Variants in ABCB1 observed in about 807,000 individuals in gnomAD.
ABCB1 encodes ATP-dependent translocase ABCB1.
In ABCB1, 69 loss-of-function variants were observed where a neutral mutation model predicts 142.0. The observed-to-expected ratio is 0.49, with a 90% CI of 0.40 to 0.59. ABCB1 has a LOEUF of 0.59. ABCB1 is among the 20% of genes least tolerant of loss of function. The pLI, the probability that ABCB1 is intolerant of heterozygous loss-of-function variation, is 0.00. For synonymous variants in ABCB1, 532 were observed against 539.2 expected (o/e 0.99, Z 0.18); for missense variants, 1,326 against 1,554.7 (o/e 0.85, Z 2.47).
At chr7:87,549,701 C>G in intron 13 of ABCB1, 150 bp downstream of exon 13, 1 of 1,299,816 alleles carries the variant, frequency 7.7e-7, no homozygotes, top group South Asian at 1.2e-5. Context: ...CCAGTTGATA[C>G]TGCTAGAGCT....
rs563641528 is a variant in ABCB1, at chr7:87,630,372, C to T, written c.-330-29294G>A. 5.3e-5 allele frequency among the ~76,000 whole-genome samples: 8 copies of T among 152,300 alleles called. No homozygotes were observed. In the South Asian group the frequency reaches 1.4e-3, roughly 28 times the overall value. The stretch of plus-strand genomic sequence containing the variant: ...TATTTGTATAATGTAATTATTACAG[C>T]ACTTTGAGTTGTAAATGGTAAAGTA... On this transcript the variant is annotated intron_variant, in intron 1 of 28. Transcript: ENST00000265724.
chr7:87,664,798 A>G (rs1346078783), intron 1 of ABCB1, among the ~76,000 whole-genome samples: 1 of 152,178 alleles, frequency 6.6e-6, no homozygotes, highest in Non-Finnish European at 1.5e-5. Flanking sequence ...AGAGATTAAT[A>G]TAGAAAATAC....
At chr7:87,690,730 A>G (rs1827936573) in intron 1 of ABCB1, among the ~76,000 whole-genome samples, 1 of 152,176 alleles carries the variant, frequency 6.6e-6, no homozygotes. Flanking sequence ...GTAATAGAAT[A>G]TGTTCTATAT....
At chr7:87,682,635 G>A (rs1027892074) in intron 1 of ABCB1, among the ~76,000 whole-genome samples, 1 of 152,174 alleles carries the variant, frequency 6.6e-6, no homozygotes, top group Non-Finnish European at 1.5e-5. Flanking sequence ...TTTCTGAGTA[G>A]TGGATCAAAA....
At chr7:87,617,999 C>T (rs961507256) in intron 1 of ABCB1, among the ~76,000 whole-genome samples, 3 of 152,122 alleles carry the variant, frequency 2.0e-5, no homozygotes, top group Admixed American at 6.6e-5. Context: ...CATACTCTTC[C>T]TCTGCCTGGA....
chr7:87,704,127 G>T (rs1056679968), intron 1 of ABCB1, among the ~76,000 whole-genome samples: 3 of 151,566 alleles, frequency 2.0e-5, no homozygotes, highest in Non-Finnish European at 4.4e-5. Context: ...CACCATATTG[G>T]CCAGGCTGGT....
chr7:87,631,038 T>A (rs544468558), intron 1 of ABCB1, among the ~76,000 whole-genome samples: 7 of 152,350 alleles, frequency 4.6e-5, no homozygotes, highest in African/African-American at 1.7e-4. Flanking sequence ...TTAGTTACAG[T>A]TTACACATAG....
intron 14 of ABCB1, among the ~76,000 whole-genome samples, chr7:87,547,177 A>G (rs1322028871): frequency 2.0e-5 from 3 of 152,304 alleles, no homozygotes; most frequent in Non-Finnish European, 4.4e-5. Flanking sequence ...CAAAACCAAC[A>G]CACAACATTT....
intron 1 of ABCB1, among the ~76,000 whole-genome samples, chr7:87,697,701 ACT>A (rs1463367607): frequency 1.3e-5 from 2 of 152,072 alleles, no homozygotes; most frequent in Admixed American, 1.3e-4. Context: ...TATGCACTAG[ACT>A]CTTTGCTACT....
At chr7:87,585,236 T>C (rs1461439241) in intron 4 of ABCB1, among the ~76,000 whole-genome samples, 1 of 152,168 alleles carries the variant, frequency 6.6e-6, no homozygotes, top group Non-Finnish European at 1.5e-5. Flanking sequence ...CTAATTAAGT[T>C]CCTATATTTC....
At chr7:87,567,963 C>T (rs144723788) in intron 5 of ABCB1, among the ~76,000 whole-genome samples, 23 of 151,766 alleles carry the variant, frequency 1.5e-4, no homozygotes, top group African/African-American at 4.8e-4. Flanking sequence ...AGCGTGGTGG[C>T]GTGCGACTGT....
intron 1 of ABCB1, among the ~76,000 whole-genome samples, chr7:87,708,491 T>C (rs1022957358): frequency 6.6e-6 from 1 of 152,192 alleles, no homozygotes; most frequent in African/African-American, 2.4e-5. Context: ...TAAAGAAATG[T>C]AATCTATAGT....
chr7:87,701,704 A>T (rs1300713260), intron 1 of ABCB1, among the ~76,000 whole-genome samples: 1 of 152,202 alleles, frequency 6.6e-6, no homozygotes, highest in African/African-American at 2.4e-5. Context: ...AGACTATTAA[A>T]AGATTCCCTT....
chr7:87,677,799 A>G (rs1291036264), intron 1 of ABCB1, among the ~76,000 whole-genome samples: 1 of 152,216 alleles, frequency 6.6e-6, no homozygotes, highest in Non-Finnish European at 1.5e-5. Flanking sequence ...AACCTGCCAG[A>G]GAAATATAAT....
At chr7:87,561,242 A>G in intron 8 of ABCB1, 21 bp downstream of exon 8, 1 of 1,613,328 alleles carries the variant, frequency 6.2e-7, no homozygotes, top group Non-Finnish European at 8.5e-7. Context: ...ATATCTATCC[A>G]TTTAAAAAAG....
At chr7:87,709,831 T>C (rs1436701837) in intron 1 of ABCB1, among the ~76,000 whole-genome samples, 1 of 152,176 alleles carries the variant, frequency 6.6e-6, no homozygotes, top group Non-Finnish European at 1.5e-5. Context: ...AAATAATTGA[T>C]TTATGAAGTT....
At chr7:87,597,963 C>CT (rs1819274697) in intron 2 of ABCB1, among the ~76,000 whole-genome samples, 1 of 152,022 alleles carries the variant, frequency 6.6e-6, no homozygotes, top group African/African-American at 2.4e-5. Flanking sequence ...AGAAGTCCTC[C>CT]TTTTATTTTT....
At chr7:87,548,120 G>A (rs1219933138) in intron 14 of ABCB1, among the ~76,000 whole-genome samples, 6 of 113,212 alleles carry the variant, frequency 5.3e-5, no homozygotes, top group African/African-American at 6.8e-5. Context: ...GGGATGGGAG[G>A]GGAGGGAAGG....
At chr7:87,619,669 G>A (rs1048771955) in intron 1 of ABCB1, among the ~76,000 whole-genome samples, 3 of 151,788 alleles carry the variant, frequency 2.0e-5, no homozygotes, top group African/African-American at 7.3e-5. Flanking sequence ...GAAGATTGCT[G>A]CTGTCCAATT....
Sources: allele counts gnomAD v4.1 joint callset (sites outside exome capture counted in the v4.1 genomes callset), GRCh38; gene constraint gnomAD v4.1.1; transcripts MANE v1.5; gene names NCBI Gene and HGNC (gene_info 2026-07-23, HGNC 2026-07-21).